TNRC6C: variants seen among roughly 807,000 people sequenced by gnomAD.
The protein encoded by TNRC6C is trinucleotide repeat containing adaptor 6C, also known as trinucleotide repeat-containing gene 6C protein.
In TNRC6C, 20 loss-of-function variants were observed where a neutral mutation model predicts 153.7. The ratio of observed to expected loss-of-function variants is 0.13; its 90% CI spans 0.09 to 0.19. The LOEUF (loss-of-function observed/expected upper bound fraction) is 0.19. Ranked by LOEUF, TNRC6C falls within the 10% of genes least tolerant of loss-of-function variation. The pLI, the probability that TNRC6C is intolerant of heterozygous loss-of-function variation, is 1.00. For missense variants in TNRC6C, 1,987 were observed against 2,172.0 expected, an observed-to-expected ratio of 0.91 and a Z score of 1.69; for synonymous variants, 811 against 841.4, an observed-to-expected ratio of 0.96 and a Z score of 0.63.
upstream of TNRC6C, among the ~76,000 whole-genome samples, chr17:78,003,581 C>T (rs1053413201): frequency 6.6e-6 from 1 of 152,066 alleles, no homozygotes; most frequent in Admixed American, 6.6e-5. Context: ...ATAAGAGAAA[C>T]AACAAGTTAC....
intron 1 of TNRC6C, among the ~76,000 whole-genome samples, chr17:77,976,954 A>AAAC (rs1567896875): frequency 6.8e-6 from 1 of 147,878 alleles, no homozygotes; most frequent in African/African-American, 2.5e-5. Context: ...AAAAAAAAAA[A>AAAC]AAAAAACTTG....
chr17:78,004,998 T>G, upstream of TNRC6C: 3 of 1,127,578 alleles, frequency 2.7e-6, no homozygotes, highest in Non-Finnish European at 3.4e-6. Flanking sequence ...GATGTGTACA[T>G]TCTACACATT....
intron 13 of TNRC6C, among the ~76,000 whole-genome samples, chr17:78,089,108 C>T (rs1456464126): frequency 6.6e-6 from 1 of 151,904 alleles, no homozygotes; most frequent in African/African-American, 2.4e-5. Flanking sequence ...GATGGGATTA[C>T]AGGCATGCAT....
Position 78,049,921 on chromosome 17 carries a change from G to A in TNRC6C, c.859G>A (p.Ala287Thr), listed in dbSNP as rs201297109. The change falls in exon 3 of 20, where the codon GCT becomes ACT. Residue 287 changes from alanine (A) to threonine (T), a missense_variant. By Grantham distance (58) the Ala-to-Thr change is moderately conservative. Transcript: ENST00000301624. The surrounding 1 kb of genome is among the most constrained non-coding windows in gnomAD (Gnocchi z 4.1). ...TGCTAAACAAAATGGATCCAGCAGT[G>A]CTGTGCAAAAGGAAGGAAGTGGAGG... The A allele has an allele frequency of 2.4e-5, 38 of 1,614,076 alleles. No individual in the cohort carries two copies. Among genetic ancestry groups the A allele is most frequent in the Non-Finnish European group, 3.1e-5 (37 of 1,179,898 alleles).
At chr17:78,044,658 C>T (rs936500543) in intron 2 of TNRC6C, among the ~76,000 whole-genome samples, 2 of 152,204 alleles carry the variant, frequency 1.3e-5, no homozygotes, top group Non-Finnish European at 1.5e-5. Flanking sequence ...CACATCTGGC[C>T]CATCACCTAT....
intron 1 of TNRC6C, among the ~76,000 whole-genome samples, chr17:77,960,296 T>G (rs1424173580): frequency 6.6e-6 from 1 of 152,204 alleles, no homozygotes; most frequent in East Asian, 1.9e-4. Flanking sequence ...AGTTGCAAGT[T>G]GGAGCCTTCT....
chr17:78,021,072 T>TG (rs1271031933), intron 1 of TNRC6C, among the ~76,000 whole-genome samples: 5 of 152,252 alleles, frequency 3.3e-5, no homozygotes, highest in Non-Finnish European at 5.9e-5. Flanking sequence ...GTTTGACTTT[T>TG]GGATGTGTTT....
intron 13 of TNRC6C, among the ~76,000 whole-genome samples, chr17:78,089,307 G>A (rs974857917): frequency 1.3e-5 from 2 of 152,212 alleles, no homozygotes; most frequent in South Asian, 2.1e-4. Flanking sequence ...CTTAGTACAA[G>A]TTAAAGAATT....
rs143314740 is a variant in TNRC6C at position 78,045,491 on chromosome 17, G to A, written c.-218-3354G>A. 8.6e-3 allele frequency among the ~76,000 whole-genome samples: 1,303 copies of A among 152,282 alleles called. 13 individuals are homozygous for A. The highest frequency in any genetic ancestry group is 0.037 in the South Asian group (178 of 4,818). On this transcript the variant is annotated intron_variant, in intron 2 of 19. Coordinates refer to ENST00000301624, the Ensembl canonical transcript of TNRC6C. The stretch of plus-strand genomic sequence containing the variant: ...GCCCGGGAAGGTCTGAGTAGGCGGC[G>A]TCATTGTAGTGGAAGTGGTTCCCTC...
chr17:78,050,382 C>T, exon 3 of TNRC6C: 1 of 1,613,678 alleles, frequency 6.2e-7, no homozygotes, highest in Non-Finnish European at 8.5e-7. Context: ...ATGATCTTGA[C>T]CCAAGAGTTC....
chr17:78,074,288 T>C (rs553668876), intron 7 of TNRC6C, among the ~76,000 whole-genome samples: 63 of 152,302 alleles, frequency 4.1e-4, no homozygotes, highest in Non-Finnish European at 6.0e-4. Flanking sequence ...AACTGGGAAC[T>C]TGGGCAACTC....
At chr17:77,986,431 A>AGAG (rs1380892150) in intron 1 of TNRC6C, among the ~76,000 whole-genome samples, 11 of 151,040 alleles carry the variant, frequency 7.3e-5, no homozygotes, top group African/African-American at 2.7e-4. Flanking sequence ...AAAAAAAAGA[A>AGAG]GAAGAAGAAA....
intron 1 of TNRC6C, among the ~76,000 whole-genome samples, chr17:77,972,874 C>G (rs1312314765): frequency 6.6e-6 from 1 of 152,138 alleles, no homozygotes. Context: ...ACCACGATGC[C>G]AGAGCCAATA....
rs529240110 is a variant in TNRC6C at position 78,056,784 on chromosome 17, G to A, written c.2395+5327G>A. Among the ~76,000 whole-genome samples the A allele has an allele frequency of 1.9e-4, 28 of 150,860 alleles. 3 individuals are homozygous for A. Among genetic ancestry groups the A allele is most frequent in the African/African-American group, 6.8e-4 (28 of 41,046 alleles). On this transcript the variant is annotated intron_variant, in intron 3 of 19. Transcript: ENST00000301624. ...CTGGCCCAGAAACTACTTTTAACTT[G>A]TTTTTAGTAGCCAAAACATGGGAGC... is the stretch of plus-strand genomic sequence containing the variant.
At chr17:77,983,386 C>T (rs1179753222) in intron 1 of TNRC6C, among the ~76,000 whole-genome samples, 2 of 152,154 alleles carry the variant, frequency 1.3e-5, no homozygotes, top group African/African-American at 4.8e-5. Flanking sequence ...GTGCTTAATT[C>T]TGATTACCAA....
Position 78,104,625 on chromosome 17 carries a change from C to G in TNRC6C, c.4853C>G (p.Ala1618Gly). 6.5e-7 allele frequency: 1 copy of G among 1,548,610 alleles called. No homozygotes were observed. Among genetic ancestry groups the G allele is most frequent in the Non-Finnish European group, 8.7e-7 (1 of 1,146,922 alleles). The change falls in exon 20 of 20, where the codon GCA becomes GGA. Residue 1618 changes from alanine to glycine, a missense_variant. Ala to Gly is a moderately conservative substitution (Grantham distance 60). Around this residue, in one of 4 missense-constraint regions of TNRC6C, gnomAD observed 139 missense variants for 148.5 expected, o/e 0.94. Coordinates refer to ENST00000301624, the Ensembl canonical transcript of TNRC6C. This position sits in a 1 kb window ranked among gnomAD's most constrained non-coding sequence, Gnocchi z 6.2. ...GCGTCCAGCCAGCCGCGGCTCAGCG[C>G]AGCGGGCAGCTCCCATGGCCTGGTA...
At chr17:78,088,798 C>T (rs2073343073) in intron 13 of TNRC6C, among the ~76,000 whole-genome samples, 1 of 151,968 alleles carries the variant, frequency 6.6e-6, no homozygotes, top group African/African-American at 2.4e-5. Flanking sequence ...GTGCCTAGCA[C>T]ATAGCAAACA....
chr17:78,088,797 A>G (rs533370044), intron 13 of TNRC6C, among the ~76,000 whole-genome samples: 72 of 152,082 alleles, frequency 4.7e-4, no homozygotes, highest in African/African-American at 1.6e-3. Context: ...AGTGCCTAGC[A>G]CATAGCAAAC....
intron 1 of TNRC6C, among the ~76,000 whole-genome samples, chr17:77,968,065 G>T (rs1036464970): frequency 1.3e-5 from 2 of 152,042 alleles, no homozygotes; most frequent in African/African-American, 4.8e-5. Context: ...ACAGAGCCTC[G>T]CTCTGTTGCC....
Sources: allele counts gnomAD v4.1 joint callset (sites outside exome capture counted in the v4.1 genomes callset), GRCh38; gene constraint gnomAD v4.1.1; regional missense constraint gnomAD v4.1.1; non-coding constraint Gnocchi (gnomAD v3.1); transcripts MANE v1.5; gene names NCBI Gene and HGNC (gene_info 2026-07-23, HGNC 2026-07-21).